PDE3A: variants seen among roughly 807,000 people sequenced by gnomAD.
The protein encoded by PDE3A is cGMP-inhibited 3',5'-cyclic phosphodiesterase 3A.
A neutral mutation model predicts 98.3 loss-of-function variants in PDE3A; 43 were observed. That is an observed-to-expected ratio of 0.44 (90% confidence interval 0.34 to 0.56). The LOEUF is 0.56. PDE3A is among the 20% of genes least tolerant of loss of function. PDE3A has a pLI of 0.01. For synonymous variants in PDE3A, 663 were observed against 567.9 expected (o/e 1.17, Z -2.38); for missense variants, 1,427 against 1,440.7 (o/e 0.99, Z 0.15).
At chr12:20,582,349 CCTGA>C (rs1444955125) in intron 2 of PDE3A, among the ~76,000 whole-genome samples, 1 of 151,962 alleles carries the variant, frequency 6.6e-6, no homozygotes. Flanking sequence ...CACCACCATG[CCTGA>C]CTATGTTTTT....
intron 1 of PDE3A, among the ~76,000 whole-genome samples, chr12:20,556,171 T>C (rs1448647897): frequency 6.6e-6 from 1 of 152,208 alleles, no homozygotes; most frequent in African/African-American, 2.4e-5. Context: ...TTTGTGACTA[T>C]GTGGGCATAT....
At chr12:20,487,891 T>C (rs1487917907) in intron 1 of PDE3A, among the ~76,000 whole-genome samples, 1 of 152,162 alleles carries the variant, frequency 6.6e-6, no homozygotes, top group Non-Finnish European at 1.5e-5. Context: ...TTTTTGCCCA[T>C]TTTGAAGTTT....
intron 2 of PDE3A, among the ~76,000 whole-genome samples, chr12:20,585,296 A>C (rs1041340561): frequency 1.3e-5 from 2 of 152,282 alleles, no homozygotes; most frequent in Admixed American, 6.5e-5. Flanking sequence ...CTGTAATTGA[A>C]GCATAGTTTA....
At chr12:20,614,670 AT>A (rs1331267207) in intron 3 of PDE3A, among the ~76,000 whole-genome samples, 5 of 152,218 alleles carry the variant, frequency 3.3e-5, no homozygotes, top group Admixed American at 1.3e-4. Flanking sequence ...TTAGTGACAG[AT>A]TTAAGGCAAG....
intron 15 of PDE3A, among the ~76,000 whole-genome samples, chr12:20,662,754 A>G (rs1388948319): frequency 3.3e-5 from 5 of 152,228 alleles, no homozygotes; most frequent in Non-Finnish European, 7.3e-5. Flanking sequence ...GAGCATAAAA[A>G]TTCAGAAAAT....
chr12:20,514,931 A>G (rs1443464169), intron 1 of PDE3A, among the ~76,000 whole-genome samples: 3 of 152,188 alleles, frequency 2.0e-5, no homozygotes, highest in Non-Finnish European at 2.9e-5. Context: ...AAGAACAGAA[A>G]TTTATTTCAA....
intron 2 of PDE3A, among the ~76,000 whole-genome samples, chr12:20,566,499 T>C (rs532394147): frequency 5.3e-5 from 8 of 151,074 alleles, no homozygotes; most frequent in African/African-American, 1.9e-4. Flanking sequence ...GTATCAGCGA[T>C]ACACACTTAA....
intron 1 of PDE3A, among the ~76,000 whole-genome samples, chr12:20,395,879 A>AT (rs1944008190): frequency 1.3e-5 from 2 of 151,958 alleles, no homozygotes. Flanking sequence ...CCCTTTTAAA[A>AT]TTTTTTATTC....
chr12:20,644,476 T>C (rs992011178), intron 10 of PDE3A, among the ~76,000 whole-genome samples: 2 of 152,146 alleles, frequency 1.3e-5, no homozygotes, highest in Non-Finnish European at 2.9e-5. Flanking sequence ...ATTTTTAAGA[T>C]AAGGAAGTGG....
intron 1 of PDE3A, among the ~76,000 whole-genome samples, chr12:20,523,071 G>A (rs1946458411): frequency 6.6e-6 from 1 of 152,026 alleles, no homozygotes; most frequent in South Asian, 2.1e-4. Flanking sequence ...GCGGTGGGGT[G>A]GGTGGCATTA....
intron 1 of PDE3A, among the ~76,000 whole-genome samples, chr12:20,454,666 C>T (rs552483053): frequency 1.3e-5 from 2 of 152,256 alleles, no homozygotes; most frequent in South Asian, 2.1e-4. Flanking sequence ...GTGTCATTCC[C>T]CTCTATGTGT....
rs560974631 is a variant in PDE3A at position 20,409,700 on chromosome 12, C to G, written c.960+39456C>G. 2.0e-5 allele frequency among the ~76,000 whole-genome samples: 3 copies of G among 152,234 alleles called. No homozygotes were observed. The South Asian group carries it at 6.2e-4, about 32-fold the overall frequency. On this transcript the variant is annotated intron_variant, in intron 1 of 15. Coordinates refer to ENST00000359062, the MANE Select transcript of PDE3A (RefSeq NM_000921.5). ...TCTTTCTGTTACAAATGTTTAGTCA[C>G]TACTGAAATACATTATATGAAAGAG... is the stretch of plus-strand genomic sequence containing the variant.
intron 1 of PDE3A, among the ~76,000 whole-genome samples, chr12:20,508,997 G>T (rs538030041): frequency 1.3e-5 from 2 of 151,778 alleles, no homozygotes; most frequent in Admixed American, 1.3e-4. Context: ...TGTATTTTTC[G>T]TATATAGCCA....
At chr12:20,434,464 T>A (rs780592208) in intron 1 of PDE3A, among the ~76,000 whole-genome samples, 1 of 152,050 alleles carries the variant, frequency 6.6e-6, no homozygotes, top group Non-Finnish European at 1.5e-5. Flanking sequence ...TTTTAGAGAG[T>A]GTTTGCTAGC....
chr12:20,430,134 A>G (rs190658455), intron 1 of PDE3A, among the ~76,000 whole-genome samples: 2 of 152,278 alleles, frequency 1.3e-5, no homozygotes, highest in East Asian at 3.9e-4. Context: ...GCATTTTAAG[A>G]GAACAGTGCA....
At chr12:20,433,962 G>A (rs958858197) in intron 1 of PDE3A, among the ~76,000 whole-genome samples, 2 of 152,034 alleles carry the variant, frequency 1.3e-5, no homozygotes, top group Admixed American at 1.3e-4. Flanking sequence ...GAAAAATTGG[G>A]TGATCGATTA....
intron 1 of PDE3A, among the ~76,000 whole-genome samples, chr12:20,548,368 A>G (rs1357941665): frequency 6.6e-6 from 1 of 152,122 alleles, no homozygotes; most frequent in Non-Finnish European, 1.5e-5. Context: ...TAAGATGCTT[A>G]TTAAAATGTC....
chr12:20,372,479 T>C lies in PDE3A; in HGVS notation c.960+2235T>C, dbSNP rs189119959. Among the ~76,000 whole-genome samples the C allele has an allele frequency of 5.7e-4, 86 of 152,164 alleles. No homozygotes were observed. In the Middle Eastern group the frequency reaches 0.024, roughly 42 times the overall value. ...CATTAAAAGTTGTTGCTGAGCATAA[T>C]TGTGGGGAGTGGGTGGAAACTAACA... On this transcript the variant is annotated intron_variant, in intron 1 of 15. Coordinates refer to ENST00000359062, the MANE Select transcript of PDE3A (RefSeq NM_000921.5).
At chr12:20,461,590 A>G (rs1462009923) in intron 1 of PDE3A, among the ~76,000 whole-genome samples, 1 of 152,204 alleles carries the variant, frequency 6.6e-6, no homozygotes, top group Non-Finnish European at 1.5e-5. Flanking sequence ...AGGCTTATCT[A>G]GAAAAATTAG....
Sources: allele counts gnomAD v4.1 joint callset (sites outside exome capture counted in the v4.1 genomes callset), GRCh38; gene constraint gnomAD v4.1.1; transcripts MANE v1.5; gene names NCBI Gene and HGNC (gene_info 2026-07-23, HGNC 2026-07-21).